IGFL2: variants seen among roughly 807,000 people sequenced by gnomAD.
The protein encoded by IGFL2 is IGF like family member 2, also known as insulin growth factor-like family member 2.
IGFL2 carries 7 observed loss-of-function variants against 13.9 expected under a neutral mutation model. The observed-to-expected ratio is 0.51, with a 90% CI of 0.29 to 0.95. The LOEUF is 0.95. Ranked by LOEUF, IGFL2 falls within the 40% of genes least tolerant of loss-of-function variation. The pLI, the probability that IGFL2 is intolerant of heterozygous loss-of-function variation, is 0.08. For synonymous variants in IGFL2, 55 were observed against 55.8 expected, an observed-to-expected ratio of 0.99 and a Z score of 0.07; for missense variants, 138 against 147.8, an observed-to-expected ratio of 0.93 and a Z score of 0.34.
chr19:46,178,940 C>T, the IGFL2 span, among the ~76,000 whole-genome samples: 4 of 152,212 alleles, frequency 2.6e-5, no homozygotes, highest in Non-Finnish European at 4.4e-5. Context: ...CTCACATTGG[C>T]TCAGAATAAA....
chr19:46,204,776 GT>G, the IGFL2 span: 1 of 152,194 alleles, frequency 6.6e-6, no homozygotes, highest in Admixed American at 6.6e-5. Flanking sequence ...ATAAGTTGTT[GT>G]TTTGTTTTTT....
At chr19:46,129,307 TTGTGTGTGTGTG>T in the IGFL2 span, among the ~76,000 whole-genome samples, 39 of 137,064 alleles carry the variant, frequency 2.8e-4, no homozygotes, top group South Asian at 1.4e-3. Flanking sequence ...TGTTGATCTT[TTGTGTGTGTGTG>T]TGTGTGTGTG....
the IGFL2 span, among the ~76,000 whole-genome samples, chr19:46,101,779 C>T: frequency 0.013 from 2,021 of 152,188 alleles, 31 homozygotes; most frequent in Middle Eastern, 0.027. Flanking sequence ...TGAGACTGTG[C>T]AGCTCTGTGG....
the IGFL2 span, among the ~76,000 whole-genome samples, chr19:46,087,591 C>T: frequency 6.6e-6 from 1 of 152,238 alleles, no homozygotes; most frequent in South Asian, 2.1e-4. Flanking sequence ...TGCGGCCATG[C>T]TACTGGGAAC....
the IGFL2 span, among the ~76,000 whole-genome samples, chr19:46,131,327 A>C: frequency 6.6e-6 from 1 of 152,222 alleles, no homozygotes; most frequent in Non-Finnish European, 1.5e-5. Context: ...AATAATAGAC[A>C]AAAACTTCTC....
At chr19:46,202,679 G>A in the IGFL2 span, 1 of 152,218 alleles carries the variant, frequency 6.6e-6, no homozygotes, top group Non-Finnish European at 1.5e-5. Flanking sequence ...GTCTTCCCGA[G>A]TCTGTGACCA....
chr19:46,125,538 A>G, the IGFL2 span, among the ~76,000 whole-genome samples: 1 of 152,252 alleles, frequency 6.6e-6, no homozygotes, highest in South Asian at 2.1e-4. Context: ...TGGATGTGTG[A>G]TGATTCAATC....
At chr19:46,090,321 T>C in the IGFL2 span, among the ~76,000 whole-genome samples, 3 of 152,242 alleles carry the variant, frequency 2.0e-5, no homozygotes, top group Non-Finnish European at 4.4e-5. Context: ...TAAAAAGTTA[T>C]TTTGAATTGT....
chr19:46,209,024 G>GGGCGCT, the IGFL2 span: 1 of 152,098 alleles, frequency 6.6e-6, no homozygotes, highest in Non-Finnish European at 1.5e-5. Flanking sequence ...AGCCATTCCT[G>GGGCGCT]GTGCCCTGGG....
At chr19:46,130,355 C>T in the IGFL2 span, among the ~76,000 whole-genome samples, 2 of 152,166 alleles carry the variant, frequency 1.3e-5, no homozygotes, top group South Asian at 4.1e-4. Context: ...GTGAAGTACA[C>T]GTTTCCTATG....
At chr19:46,170,337 A>G in the IGFL2 span, among the ~76,000 whole-genome samples, 495 of 152,302 alleles carry the variant, frequency 3.3e-3, 1 homozygote, top group African/African-American at 0.011. Context: ...CACTTCCCCA[A>G]TCAATACTCT....
the IGFL2 span, among the ~76,000 whole-genome samples, chr19:46,192,365 T>C: frequency 6.6e-6 from 1 of 152,204 alleles, no homozygotes; most frequent in African/African-American, 2.4e-5. Context: ...CATTGTGGAA[T>C]TGCTTTTCTG....
chr19:46,168,234 A>G, the IGFL2 span, among the ~76,000 whole-genome samples: 1 of 152,182 alleles, frequency 6.6e-6, no homozygotes, highest in Non-Finnish European at 1.5e-5. Flanking sequence ...CAATACCCAG[A>G]CAAGGATTAC....
the IGFL2 span, among the ~76,000 whole-genome samples, chr19:46,081,552 G>A: frequency 2.6e-4 from 39 of 152,236 alleles, no homozygotes; most frequent in African/African-American, 9.1e-4. Context: ...TTCTAGGATA[G>A]TTCTTCCTTA....
chr19:46,145,261 G>C (rs1568420687), upstream of IGFL2, among the ~76,000 whole-genome samples: 1 of 152,066 alleles, frequency 6.6e-6, no homozygotes, highest in Non-Finnish European at 1.5e-5. Flanking sequence ...GAAATTCAGT[G>C]TCTTTACTTG....
At chr19:46,143,611 A>G (rs1216549171), upstream of IGFL2, among the ~76,000 whole-genome samples, 1 of 150,034 alleles carries the variant, frequency 6.7e-6, no homozygotes, top group Non-Finnish European at 1.5e-5. Context: ...CAGATTTTCA[A>G]CTGCCCAAGG....
the IGFL2 span, among the ~76,000 whole-genome samples, chr19:46,186,394 C>T: frequency 6.6e-6 from 1 of 152,190 alleles, no homozygotes; most frequent in Non-Finnish European, 1.5e-5. Context: ...GCTGCGGTGT[C>T]CACAGAAGCG....
the IGFL2 span, among the ~76,000 whole-genome samples, chr19:46,176,687 G>C: frequency 6.6e-6 from 1 of 152,132 alleles, no homozygotes; most frequent in South Asian, 2.1e-4. Flanking sequence ...CTCCTAGGGG[G>C]AAGTGGGGAT....
chr19:46,148,466 C>G (rs1973260439), intron 1 of IGFL2, among the ~76,000 whole-genome samples, 169 bp downstream of exon 1: 1 of 152,150 alleles, frequency 6.6e-6, no homozygotes, highest in Non-Finnish European at 1.5e-5. Context: ...CCTGCAAATT[C>G]CAGAAGCTTA....
Sources: gnomAD v4.1 joint callset for allele counts (sites outside exome capture counted in the v4.1 genomes callset) on GRCh38, gnomAD v4.1.1 for gene constraint, MANE v1.5 for transcripts, NCBI Gene and HGNC (gene_info 2026-07-23, HGNC 2026-07-21) for gene names.